NTPCR: variants seen among roughly 807,000 people sequenced by gnomAD.
The protein encoded by NTPCR is nucleoside-triphosphatase, cancer-related, also known as cancer-related nucleoside-triphosphatase.
Under a neutral mutation model 19.5 loss-of-function variants are expected in NTPCR, and 15 were observed. The observed-to-expected ratio is 0.77, with a 90% confidence interval of 0.51 to 1.18. NTPCR has a LOEUF of 1.18. Among genes scored for constraint, NTPCR ranks in the 50% most tolerant of loss-of-function variants. NTPCR has a pLI of 0.00. For synonymous variants in NTPCR, 90 were observed against 95.8 expected (o/e 0.94, Z 0.36); for missense variants, 206 against 240.4 (o/e 0.86, Z 0.95).
chr1:232,977,891 T>C (rs574161773), intron 4 of NTPCR, among the ~76,000 whole-genome samples: 29 of 152,322 alleles, frequency 1.9e-4, no homozygotes, highest in African/African-American at 6.5e-4. Context: ...TCGGACTCAC[T>C]TCACAGCTCT....
intron 1 of NTPCR, chr1:232,951,017 G>A (rs1668350637): frequency 6.6e-6 from 3 of 455,692 alleles, no homozygotes; most frequent in South Asian, 7.0e-5. Flanking sequence ...GGGGCCAGCG[G>A]CAGCGGTAAC....
chr1:232,952,475 C>T (rs551796359), intron 1 of NTPCR, among the ~76,000 whole-genome samples: 60 of 151,838 alleles, frequency 4.0e-4, no homozygotes, highest in South Asian at 1.0e-3. Flanking sequence ...TCCCAAAATA[C>T]TGGGATTATA....
chr1:232,979,245 G>A lies in NTPCR; in HGVS notation c.*1014G>A, dbSNP rs766759312. On this transcript the variant is annotated 3_prime_UTR_variant, in exon 5 of 5. Coordinates refer to ENST00000366628, the MANE Select transcript of NTPCR (RefSeq NM_032324.3). This position sits in a 1 kb window ranked among gnomAD's most constrained non-coding sequence, Gnocchi z 5.3. ...GTGATAAACAGTTCAGTGTTTTTAG[G>A]TCATTTTTGGTGAAGATCTATGAAT... 7.2e-5 allele frequency: 11 copies of A among 152,150 alleles called. No individual in the cohort carries two copies. The highest frequency in any genetic ancestry group is 8.8e-5 in the Non-Finnish European group (6 of 68,042). 9.4% of individuals were successfully genotyped at this position (152,150 alleles called of 1,614,324 possible).
rs967947758 is a variant in NTPCR, at chr1:232,979,102, G to A, written c.*871G>A. 5.9e-5 allele frequency: 9 copies of A among 152,136 alleles called. No homozygotes were observed. The highest frequency in any genetic ancestry group is 2.1e-4 in the South Asian group (1 of 4,826). The allele number at this position is 152,136 out of a possible 1,614,324, so 9.4% of individuals were successfully genotyped here. A position where few individuals can be genotyped will look rare whatever the true frequency, so the allele number is the denominator to read the frequency against. ...ATCAGGAATAATGGTGTAGCAATGC[G>A]GAGTTCAGCCCATAACAGGGGTACT... On this transcript the variant is annotated 3_prime_UTR_variant, in exon 5 of 5. Coordinates refer to ENST00000366628, the MANE Select transcript of NTPCR (RefSeq NM_032324.3). The surrounding 1 kb of genome is among the most constrained non-coding windows in gnomAD (Gnocchi z 5.3).
intron 2 of NTPCR, 127 bp from the exon 3 acceptor site, chr1:232,956,220 A>G (rs1009319517): frequency 4.3e-6 from 3 of 697,432 alleles, no homozygotes; most frequent in Non-Finnish European, 7.7e-6. Flanking sequence ...AGACCACCGC[A>G]TTTTGTGTTG....
intron 2 of NTPCR, among the ~76,000 whole-genome samples, chr1:232,955,987 G>A (rs576495871): frequency 3.9e-5 from 6 of 152,134 alleles, no homozygotes; most frequent in Non-Finnish European, 5.9e-5. Flanking sequence ...AAAAGTATAA[G>A]AAAGTGATAT....
chr1:232,950,652 A>G lies in NTPCR; in HGVS notation c.-59A>G, dbSNP rs1017767816. ...GCGACCCTGGTCCGGACCTGACCTGAATTGCGACCCCAACCTGGACTGCTC... is the reference window on the plus strand; with the variant it reads ...GCGACCCTGGTCCGGACCTGACCTGGATTGCGACCCCAACCTGGACTGCTC... On this transcript the variant is annotated 5_prime_UTR_variant, in exon 1 of 5. Transcript: ENST00000366628. 3 of 1,427,336 alleles carry G rather than the reference A, an allele frequency of 2.1e-6. No homozygotes were observed. Among genetic ancestry groups the G allele is most frequent in the Non-Finnish European group, 3.0e-6 (3 of 1,013,084 alleles). The allele number at this position is 1,427,336 out of a possible 1,614,324, so 88.4% of individuals were successfully genotyped here. A position where few individuals can be genotyped will look rare whatever the true frequency, so the allele number is the denominator to read the frequency against.
chr1:232,965,698 G>A (rs186985188), intron 3 of NTPCR: 1 of 152,440 alleles, frequency 6.6e-6, no homozygotes, highest in African/African-American at 2.4e-5. Context: ...CTCAGAGCAT[G>A]AGGAGGACGA....
intron 3 of NTPCR, among the ~76,000 whole-genome samples, chr1:232,959,873 A>G (rs1165319215): frequency 6.6e-6 from 1 of 152,026 alleles, no homozygotes; most frequent in African/African-American, 2.4e-5. Flanking sequence ...TACTTCTCTA[A>G]TTAGGCCAAG....
chr1:232,954,548 A>G (rs1490320936), intron 1 of NTPCR, among the ~76,000 whole-genome samples: 1 of 152,234 alleles, frequency 6.6e-6, no homozygotes, highest in East Asian at 1.9e-4. Context: ...TTAAAAAGTC[A>G]TGGTGACAGG....
chr1:232,955,981 G>C (rs556562664), intron 2 of NTPCR, among the ~76,000 whole-genome samples: 1 of 152,096 alleles, frequency 6.6e-6, no homozygotes, highest in African/African-American at 2.4e-5. Context: ...CATGAAAAAA[G>C]TATAAGAAAG....
At chr1:232,962,158 T>C (rs558478631) in intron 3 of NTPCR, 1 of 152,330 alleles carries the variant, frequency 6.6e-6, no homozygotes, top group African/African-American at 2.4e-5. Context: ...AACTGAGGCA[T>C]AGAATGGAAA....
At chr1:232,976,240 C>T in intron 4 of NTPCR, 1 of 1,367,406 alleles carries the variant, frequency 7.3e-7, no homozygotes, top group Non-Finnish European at 9.5e-7. Flanking sequence ...AGGGTAATTT[C>T]CATATCTGTC....
chr1:232,951,460 T>G (rs1381337774), intron 1 of NTPCR, among the ~76,000 whole-genome samples: 5 of 151,994 alleles, frequency 3.3e-5, no homozygotes, highest in Admixed American at 6.6e-5. Flanking sequence ...ATGAGAGGTG[T>G]AGGAGGAGGT....
Position 232,978,298 on chromosome 1 carries a change from C to A in NTPCR, c.*67C>A. ...CAAGAGGAGCCTGATGGAGCCCTGCCTGTCGAGGCTGTATGCCTATGGGGT... is the reference window on the plus strand; with the variant it reads ...CAAGAGGAGCCTGATGGAGCCCTGCATGTCGAGGCTGTATGCCTATGGGGT... On this transcript the variant is annotated 3_prime_UTR_variant, in exon 5 of 5. Transcript: ENST00000366628. 7.5e-7 allele frequency: 1 copy of A among 1,342,102 alleles called. No homozygotes were observed. The highest frequency in any genetic ancestry group is 1.1e-6 in the Non-Finnish European group (1 of 938,966). 83.1% of individuals were successfully genotyped at this position (1,342,102 alleles called of 1,614,324 possible).
intron 3 of NTPCR, chr1:232,965,950 G>C (rs764848490): frequency 2.0e-5 from 3 of 152,306 alleles, no homozygotes; most frequent in African/African-American, 7.2e-5. Flanking sequence ...GCTTCTGCCC[G>C]GAGTATTCTT....
intron 3 of NTPCR, chr1:232,963,073 A>G (rs1668711667): frequency 6.6e-6 from 1 of 152,226 alleles, no homozygotes; most frequent in Admixed American, 6.5e-5. Flanking sequence ...CAAATGTGGC[A>G]TTTGATTCTT....
chr1:232,973,078 G>A (rs931181411), intron 4 of NTPCR, among the ~76,000 whole-genome samples: 1 of 152,232 alleles, frequency 6.6e-6, no homozygotes, highest in Non-Finnish European at 1.5e-5. Flanking sequence ...AGGGGTCAGA[G>A]TCAGCGTCCC....
intron 1 of NTPCR, among the ~76,000 whole-genome samples, chr1:232,952,375 ATT>A (rs762607736): frequency 2.1e-5 from 3 of 141,754 alleles, no homozygotes; most frequent in Admixed American, 7.0e-5. Context: ...ACACCCGGGT[ATT>A]TTTTTTTTTT....
Sources: allele counts gnomAD v4.1 joint callset (sites outside exome capture counted in the v4.1 genomes callset), GRCh38; gene constraint gnomAD v4.1.1; non-coding constraint Gnocchi (gnomAD v3.1); transcripts MANE v1.5; gene names NCBI Gene and HGNC (gene_info 2026-07-23, HGNC 2026-07-21).